Variants in VPS54 observed in about 807,000 individuals in gnomAD.
The protein encoded by VPS54 is VPS54 subunit of GARP complex.
Under a neutral mutation model 121.5 loss-of-function variants are expected in VPS54, and 45 were observed. The ratio of observed to expected loss-of-function variants is 0.37; its 90% confidence interval spans 0.29 to 0.47. VPS54 has a LOEUF of 0.47. Among genes scored for constraint, VPS54 ranks in the 20% least tolerant of loss-of-function variants. The pLI, the probability that VPS54 is intolerant of heterozygous loss-of-function variation, is 0.99. For missense variants in VPS54, 1,090 were observed against 1,131.4 expected (o/e 0.96, Z 0.52); for synonymous variants, 371 against 385.8 (o/e 0.96, Z 0.45).
intron 1 of VPS54, among the ~76,000 whole-genome samples, chr2:63,987,882 G>A (rs1183444000): frequency 6.6e-6 from 1 of 152,066 alleles, no homozygotes; most frequent in Non-Finnish European, 1.5e-5. Flanking sequence ...TTTGTATCCT[G>A]CAACTTTACT....
intron 20 of VPS54, among the ~76,000 whole-genome samples, chr2:63,906,974 G>A (rs1672928813): frequency 6.6e-6 from 1 of 152,170 alleles, no homozygotes. Context: ...GAGTAGCTAA[G>A]ACAGTGTGGT....
At chr2:63,894,398 A>G (rs1672352464) in intron 22 of VPS54, among the ~76,000 whole-genome samples, 2 of 152,302 alleles carry the variant, frequency 1.3e-5, no homozygotes, top group South Asian at 4.1e-4. Flanking sequence ...GGAAATGTCT[A>G]ATTTATCTAT....
chr2:63,942,607 A>C (rs115385198), intron 10 of VPS54, 46 bp from the exon 11 acceptor site: 1 of 1,451,854 alleles, frequency 6.9e-7, no homozygotes, highest in African/African-American at 1.4e-5. Flanking sequence ...TCTCTGGGCC[A>C]ATCAATATAA....
intron 1 of VPS54, among the ~76,000 whole-genome samples, chr2:63,987,826 G>T (rs940667249): frequency 6.6e-6 from 1 of 151,990 alleles, no homozygotes; most frequent in African/African-American, 2.4e-5. Flanking sequence ...TTTTCACATT[G>T]TTCAGTGTTG....
At chr2:63,912,964 T>C (rs1275693069) in intron 18 of VPS54, among the ~76,000 whole-genome samples, 3 of 152,214 alleles carry the variant, frequency 2.0e-5, no homozygotes, top group Admixed American at 2.0e-4. Flanking sequence ...AAATACTTTA[T>C]ACACATTATA....
rs1226630801 is a variant in VPS54, at chr2:63,942,549, C to G, written c.1314G>C (p.Gln438His). ...DTDVVVKLAD[Q>H]MRMLNFPQWF... is the part of the protein sequence containing the mutation. ...ACTGGGGAAAATTCAACATTCTCAT[C>G]TGATCTGCAAGCCTAGAAAAAAATA... The change falls in exon 11 of 23, where the codon CAG becomes CAC. Residue 438 changes from glutamine (Q) to histidine (H), a missense_variant. This residue lies in a region of VPS54 where 801 missense variants were observed against 757.0 expected (regional missense o/e 1.06). Coordinates refer to ENST00000272322, the MANE Select transcript of VPS54 (RefSeq NM_016516.3). The G allele has an allele frequency of 1.3e-6, 2 of 1,588,580 alleles. No individual in the cohort carries two copies. The highest frequency in any genetic ancestry group is 1.7e-6 in the Non-Finnish European group (2 of 1,165,864).
At chr2:64,018,671 A>C (rs1440217473) in intron 1 of VPS54, among the ~76,000 whole-genome samples, 2 of 151,592 alleles carry the variant, frequency 1.3e-5, no homozygotes, top group African/African-American at 2.4e-5. Context: ...GAGAGGGGCA[A>C]GAGCGGCGTT....
At chr2:63,924,165 GGA>G (rs1344306863) in intron 12 of VPS54, among the ~76,000 whole-genome samples, 2 of 152,218 alleles carry the variant, frequency 1.3e-5, no homozygotes, top group African/African-American at 4.8e-5. Flanking sequence ...CAGTTTAAAA[GGA>G]TCTCAAATGG....
chr2:63,897,643 T>A, intron 21 of VPS54, 53 bp from the exon 22 acceptor site: 2 of 1,058,128 alleles, frequency 1.9e-6, no homozygotes, highest in Non-Finnish European at 2.7e-6. Flanking sequence ...ATAGAAGATA[T>A]CTGAGTTATC....
Position 63,893,255 on chromosome 2 carries a change from C to T in VPS54, c.*175G>A. 1.4e-6 allele frequency: 1 copy of T among 707,644 alleles called. No individual in the cohort carries two copies. The highest frequency in any genetic ancestry group is 1.5e-5 in the South Asian group (1 of 66,514). The allele number at this position is 707,644 out of a possible 1,614,324, so 43.8% of individuals were successfully genotyped here. On this transcript the variant is annotated 3_prime_UTR_variant, in exon 23 of 23. Transcript: ENST00000272322. ...CTGTAGGATGCACAAAAATGACATT[C>T]CTTGTAGATCCCACTGAATCCAGTT... is the stretch of plus-strand genomic sequence containing the variant.
intron 1 of VPS54, among the ~76,000 whole-genome samples, chr2:64,005,106 T>A (rs1678069839): frequency 9.1e-6 from 1 of 109,572 alleles, no homozygotes. Flanking sequence ...TTTTTTTTTT[T>A]TTTTTTTTTT....
chr2:63,921,590 C>T (rs1673648924), intron 12 of VPS54, among the ~76,000 whole-genome samples: 1 of 152,112 alleles, frequency 6.6e-6, no homozygotes, highest in South Asian at 2.1e-4. Context: ...TGCAGTGGCA[C>T]ATTCAGAGCT....
intron 16 of VPS54, 61 bp from the exon 17 acceptor site, chr2:63,914,348 G>T (rs1390616702): frequency 1.7e-6 from 2 of 1,177,168 alleles, no homozygotes; most frequent in East Asian, 4.7e-5. Context: ...AAAGGATTTG[G>T]CATATAAAAA....
In VPS54 at chr2:63,921,314, T is replaced by C. The variant is rs199773679; in HGVS notation, c.1761A>G (p.Leu587=). ...VDIMVSEDMK[L]TDSELGKLAN... ...CCAGCTTTCCTAGCTCTGAGTCAGT[T>C]AATTTCATATCTTCACTGACCCTGA... Residue 587 remains leucine (L), a synonymous_variant, in exon 13 of 23, where the codon TTA becomes TTG. Coordinates refer to ENST00000272322, the MANE Select transcript of VPS54 (RefSeq NM_016516.3). 9.9e-6 allele frequency: 16 copies of C among 1,612,730 alleles called. No individual in the cohort carries two copies. Among genetic ancestry groups the C allele is most frequent in the Middle Eastern group, 3.3e-4 (2 of 5,976 alleles).
At chr2:63,975,159 C>G in intron 3 of VPS54, 1 of 767,884 alleles carries the variant, frequency 1.3e-6, no homozygotes, top group Non-Finnish European at 2.0e-6. Flanking sequence ...GATTCTCATG[C>G]CTCAGCCTCC....
chr2:63,997,344 T>A (rs552662955), intron 1 of VPS54, among the ~76,000 whole-genome samples: 1 of 152,352 alleles, frequency 6.6e-6, no homozygotes, highest in South Asian at 2.1e-4. Flanking sequence ...GACTTTTTAC[T>A]GGGAGACTTT....
intron 22 of VPS54, among the ~76,000 whole-genome samples, chr2:63,893,999 C>A (rs569044434): frequency 6.6e-6 from 1 of 152,284 alleles, no homozygotes; most frequent in South Asian, 2.1e-4. Context: ...CTGGATATTT[C>A]TTTAAAAACC....
rs1481086180 is a variant in VPS54, at chr2:63,976,823, C to CTTTTTTTTTTTTTTT, written c.379-4580_379-4579insAAAAAAAAAAAAAAA. Among the ~76,000 whole-genome samples the CTTTTTTTTTTTTTTT allele has an allele frequency of 2.9e-5, 2 of 68,040 alleles. 1 individual carries two copies. The allele number at this position is 68,040 out of a possible 152,430, so 44.6% of individuals were successfully genotyped here. The stretch of plus-strand genomic sequence containing the variant: ...TTTTGATACTAGTAGCTTATATCTT[C>CTTTTTTTTTTTTTTT]TCTTTTTTTTTTTTTTTTTTTTTGA... On this transcript the variant is annotated intron_variant, in intron 3 of 22. Coordinates refer to ENST00000272322, the MANE Select transcript of VPS54 (RefSeq NM_016516.3).
At position 64,007,626 on chromosome 2, in the gene VPS54, C is replaced by T. The variant is rs146938538; in HGVS notation, c.-21+11312G>A. On this transcript the variant is annotated intron_variant, in intron 1 of 22. Transcript: ENST00000272322. ...TGCTTCCCTGAATTTTCCATTACTG[C>T]TTCTAGTTCAATTACATTACAGGAA... 1.8e-4 allele frequency among the ~76,000 whole-genome samples: 27 copies of T among 152,272 alleles called. 1 individual carries two copies. The East Asian group carries it at 4.8e-3, about 27-fold the overall frequency.
Sources: allele counts gnomAD v4.1 joint callset (sites outside exome capture counted in the v4.1 genomes callset), GRCh38; gene constraint gnomAD v4.1.1; regional missense constraint gnomAD v4.1.1; transcripts MANE v1.5; gene names NCBI Gene and HGNC (gene_info 2026-07-23, HGNC 2026-07-21).